SHANK2: variants seen among roughly 807,000 people sequenced by gnomAD.
SHANK2 encodes SH3 and multiple ankyrin repeat domains 2.
Under a neutral mutation model 133.7 loss-of-function variants are expected in SHANK2, and 43 were observed. That is an observed-to-expected ratio of 0.32 (90% CI 0.25 to 0.41). SHANK2 has a LOEUF of 0.41. Among genes scored for constraint, SHANK2 ranks in the 10% least tolerant of loss-of-function variants. SHANK2 has a pLI of 1.00. For synonymous variants in SHANK2, 1,017 were observed against 952.8 expected (o/e 1.07, Z -1.24); for missense variants, 1,994 against 2,235.8 (o/e 0.89, Z 2.18).
At chr11:70,680,506 C>T (rs1348929659) in intron 15 of SHANK2, among the ~76,000 whole-genome samples, 1 of 152,186 alleles carries the variant, frequency 6.6e-6, no homozygotes, top group African/African-American at 2.4e-5. Flanking sequence ...GCTCCCCACT[C>T]TCTGCCTCTG....
At chr11:70,595,186 C>T (rs565031177) in intron 17 of SHANK2, among the ~76,000 whole-genome samples, 26 of 152,236 alleles carry the variant, frequency 1.7e-4, no homozygotes, top group Admixed American at 1.3e-4. Context: ...CATCGGCCAC[C>T]GGATGGAGTG....
At chr11:70,846,624 C>T (rs1434664558) in intron 11 of SHANK2, among the ~76,000 whole-genome samples, 2 of 152,176 alleles carry the variant, frequency 1.3e-5, no homozygotes, top group Non-Finnish European at 2.9e-5. Context: ...CCAAGCCCTG[C>T]TCTCAGCACT....
intron 17 of SHANK2, among the ~76,000 whole-genome samples, chr11:70,568,987 G>C (rs1418408496): frequency 1.3e-5 from 2 of 152,188 alleles, no homozygotes; most frequent in African/African-American, 4.8e-5. Flanking sequence ...GACTGCTCAC[G>C]TTCTCTGAAG....
At chr11:71,184,922 C>T (rs1331771815) in intron 2 of SHANK2, among the ~76,000 whole-genome samples, 1 of 152,178 alleles carries the variant, frequency 6.6e-6, no homozygotes, top group East Asian at 1.9e-4. Context: ...CCCCATCCAC[C>T]ACTGCCTGGG....
intron 11 of SHANK2, chr11:70,863,135 T>G (rs1949288651): frequency 2.8e-6 from 1 of 359,554 alleles, no homozygotes; most frequent in Non-Finnish European, 5.5e-6. Flanking sequence ...ACTGTCACAT[T>G]CCAGGGACAA....
At position 70,471,521 on chromosome 11, in the gene SHANK2, G is replaced by T; in HGVS notation, c.*1348C>A. On this transcript the variant is annotated 3_prime_UTR_variant, in exon 26 of 26. Coordinates refer to ENST00000601538, the MANE Select transcript of SHANK2 (RefSeq NM_012309.5). The surrounding 1 kb of genome is among the most constrained non-coding windows in gnomAD (Gnocchi z 4.1). ...AAGCCTTGCCAGAGAGGCTGACCTG[G>T]CAGCCCAGGAGACCTCCCTGCTTTC... 5.0e-6 allele frequency: 2 copies of T among 397,726 alleles called. No individual in the cohort carries two copies. Among genetic ancestry groups the T allele is most frequent in the African/African-American group, 2.1e-5 (1 of 48,732 alleles). The allele number at this position is 397,726 out of a possible 1,614,324, so 24.6% of individuals were successfully genotyped here. A position where few individuals can be genotyped will look rare whatever the true frequency, so the allele number is the denominator to read the frequency against.
intron 10 of SHANK2, among the ~76,000 whole-genome samples, chr11:70,914,687 T>C (rs1476275343): frequency 1.4e-3 from 206 of 144,406 alleles, no homozygotes; most frequent in Non-Finnish European, 2.6e-3. Flanking sequence ...TAAAATAAAA[T>C]AAAATAAAAT....
Position 71,113,367 on chromosome 11 carries a change from G to A in SHANK2, c.412-3C>T. 1 of 1,551,504 alleles carries A rather than the reference G, an allele frequency of 6.4e-7. No individual in the cohort carries two copies. The highest frequency in any genetic ancestry group is 8.7e-7 in the Non-Finnish European group (1 of 1,146,868). On this transcript the variant is annotated splice_region_variant and splice_polypyrimidine_tract_variant and intron_variant, in intron 4 of 25. Transcript: ENST00000601538. Reference sequence around the variant, plus strand: ...TACACCCGCTTCTTGTATCGAAACTGGCACAGAAAACAAAAAAGAGAGAGA... The same window carrying A: ...TACACCCGCTTCTTGTATCGAAACTAGCACAGAAAACAAAAAAGAGAGAGA...
chr11:70,655,901 G>A (rs986591680), intron 17 of SHANK2, among the ~76,000 whole-genome samples: 7 of 152,106 alleles, frequency 4.6e-5, no homozygotes, highest in South Asian at 2.1e-4. Flanking sequence ...CCCAGCTCTC[G>A]CCTCATGATT....
Position 70,786,482 on chromosome 11 carries a change from G to A in SHANK2, c.1777+11961C>T, listed in dbSNP as rs147239861. On this transcript the variant is annotated intron_variant, in intron 14 of 25. Coordinates refer to ENST00000601538, the MANE Select transcript of SHANK2 (RefSeq NM_012309.5). Reference sequence around the variant, plus strand: ...GCTGTTGGTAACAATTCTTGTATGCGTATGGACTTTTATACCTTTACATTC... The same window carrying A: ...GCTGTTGGTAACAATTCTTGTATGCATATGGACTTTTATACCTTTACATTC... Among the ~76,000 whole-genome samples, 444 of 152,238 alleles carry A rather than the reference G, an allele frequency of 2.9e-3. 3 individuals are homozygous for A. The highest frequency in any genetic ancestry group is 0.01 in the African/African-American group (423 of 41,532).
intron 2 of SHANK2, among the ~76,000 whole-genome samples, chr11:71,208,326 G>A (rs1334557331): frequency 1.3e-5 from 2 of 152,100 alleles, no homozygotes; most frequent in South Asian, 2.1e-4. Flanking sequence ...GGGAAGTTGG[G>A]GGGAGAAGGG....
intron 17 of SHANK2, among the ~76,000 whole-genome samples, chr11:70,628,910 C>T (rs974704549): frequency 3.9e-5 from 6 of 152,210 alleles, no homozygotes; most frequent in South Asian, 2.1e-4. Flanking sequence ...TGGGCTGCAG[C>T]GCGGCAAGGC....
chr11:70,734,269 C>T (rs1946353669), intron 14 of SHANK2, among the ~76,000 whole-genome samples: 1 of 152,140 alleles, frequency 6.6e-6, no homozygotes, highest in Non-Finnish European at 1.5e-5. Flanking sequence ...CTGGGTTGTT[C>T]GAGAATGTTT....
intron 14 of SHANK2, among the ~76,000 whole-genome samples, chr11:70,761,005 G>C (rs893022907): frequency 1.3e-5 from 2 of 152,152 alleles, no homozygotes; most frequent in Non-Finnish European, 2.9e-5. Flanking sequence ...TGGAGGTGCC[G>C]GCTTTCCAGG....
At chr11:70,537,577 C>G (rs2059561903) in intron 17 of SHANK2, among the ~76,000 whole-genome samples, 1 of 152,196 alleles carries the variant, frequency 6.6e-6, no homozygotes, top group Non-Finnish European at 1.5e-5. Context: ...GGGGCCCTGC[C>G]ACACCTGGCT....
At chr11:70,658,151 C>G (rs1196155920) in intron 17 of SHANK2, among the ~76,000 whole-genome samples, 1 of 150,154 alleles carries the variant, frequency 6.7e-6, no homozygotes, top group Non-Finnish European at 1.5e-5. Flanking sequence ...CGTGCACACA[C>G]TCTTACACCA....
chr11:71,194,001 C>T (rs1416023231), intron 2 of SHANK2, among the ~76,000 whole-genome samples: 4 of 152,124 alleles, frequency 2.6e-5, no homozygotes, highest in African/African-American at 7.2e-5. Flanking sequence ...TGTGAATTTG[C>T]GGGGACACAG....
At chr11:70,728,715 C>G (rs1207750638) in intron 14 of SHANK2, among the ~76,000 whole-genome samples, 1 of 152,194 alleles carries the variant, frequency 6.6e-6, no homozygotes, top group Non-Finnish European at 1.5e-5. Context: ...TACTGTGTTA[C>G]CCCCAATTCA....
chr11:70,494,917 T>C (rs1449607727), intron 21 of SHANK2, among the ~76,000 whole-genome samples: 3 of 152,200 alleles, frequency 2.0e-5, no homozygotes, highest in East Asian at 1.9e-4. Flanking sequence ...TCTCCTGTTA[T>C]TCCTGGACCC....
Sources: gnomAD v4.1 joint callset for allele counts (sites outside exome capture counted in the v4.1 genomes callset) on GRCh38, gnomAD v4.1.1 for gene constraint, Gnocchi (gnomAD v3.1) non-coding constraint, MANE v1.5 for transcripts, NCBI Gene and HGNC (gene_info 2026-07-23, HGNC 2026-07-21) for gene names.